PTPRD: variants seen among roughly 807,000 people sequenced by gnomAD.
PTPRD encodes the protein protein tyrosine phosphatase receptor type D.
In PTPRD, 34 loss-of-function variants were observed where a neutral mutation model predicts 214.5. That is an observed-to-expected ratio of 0.16 (90% CI 0.12 to 0.21). The LOEUF (loss-of-function observed/expected upper bound fraction) is 0.21. Among genes scored for constraint, PTPRD ranks in the 10% least tolerant of loss-of-function variants. PTPRD has a pLI of 1.00. For missense variants in PTPRD, 2,545 were observed against 2,398.7 expected (o/e 1.06, Z -1.27); for synonymous variants, 1,128 against 845.7 (o/e 1.33, Z -5.79).
At chr9:10,192,928 C>T (rs189090267) in intron 3 of PTPRD, among the ~76,000 whole-genome samples, 1 of 152,226 alleles carries the variant, frequency 6.6e-6, no homozygotes, top group African/African-American at 2.4e-5. Flanking sequence ...ACCTTATTTC[C>T]CAAGAGCTCT....
rs533262901 is a variant in PTPRD at position 10,573,317 on chromosome 9, C to T, written c.-600+39081G>A. ...ATCCCAATAAATCTATTCCTGTTTG[C>T]GCATGAATACAAGTTCCCAAATGCA... is the stretch of plus-strand genomic sequence containing the variant. On this transcript the variant is annotated intron_variant, in intron 2 of 45. Transcript: ENST00000381196. 6.6e-5 allele frequency among the ~76,000 whole-genome samples: 10 copies of T among 152,216 alleles called. No homozygotes were observed. In the South Asian group the frequency reaches 1.0e-3, roughly 16 times the overall value.
chr9:8,547,589 G>A (rs2080599650), intron 14 of PTPRD, among the ~76,000 whole-genome samples: 1 of 150,282 alleles, frequency 6.7e-6, no homozygotes, highest in Admixed American at 6.6e-5. Flanking sequence ...GCTACAGTGA[G>A]CCGTGTTCAC....
chr9:9,982,703 T>A (rs538727156), intron 4 of PTPRD, among the ~76,000 whole-genome samples: 1 of 152,212 alleles, frequency 6.6e-6, no homozygotes, highest in Admixed American at 6.5e-5. Context: ...TTTTGTTTTG[T>A]ATTTGATGCT....
At chr9:9,352,409 G>T (rs1393352368) in intron 9 of PTPRD, among the ~76,000 whole-genome samples, 3 of 149,626 alleles carry the variant, frequency 2.0e-5, no homozygotes, top group Admixed American at 6.7e-5. Flanking sequence ...ATATATATCT[G>T]TTATGTTTTC....
chr9:10,592,969 A>T (rs2075837800), intron 2 of PTPRD, among the ~76,000 whole-genome samples: 1 of 151,864 alleles, frequency 6.6e-6, no homozygotes, highest in East Asian at 1.9e-4. Flanking sequence ...TTCGCTCTTC[A>T]CAATAAATCT....
At chr9:9,482,270 A>C (rs532966798) in intron 8 of PTPRD, among the ~76,000 whole-genome samples, 28 of 152,328 alleles carry the variant, frequency 1.8e-4, no homozygotes, top group African/African-American at 6.5e-4. Context: ...TAAGTAAACC[A>C]GTTCAGTGAA....
intron 7 of PTPRD, among the ~76,000 whole-genome samples, chr9:9,636,352 C>T (rs957390438): frequency 5.9e-5 from 9 of 152,150 alleles, no homozygotes; most frequent in African/African-American, 1.9e-4. Flanking sequence ...CTGTAGTAGA[C>T]ATTTTGGTTG....
At chr9:10,389,355 T>C (rs968727801) in intron 2 of PTPRD, among the ~76,000 whole-genome samples, 1 of 151,884 alleles carries the variant, frequency 6.6e-6, no homozygotes, top group African/African-American at 2.4e-5. Context: ...AGATGATTTC[T>C]TATCAGAGTG....
Position 8,340,429 on chromosome 9 carries a change from C to G in PTPRD, c.5167G>C (p.Glu1723Gln), listed in dbSNP as rs2132361599. ...ATCCGCCAGAAGTCTTCAGTGGTCT[C>G]TGCCAAGGGCCCCTGGGTAGCGATG... ...AYIATQGPLAETTEDFWRMLW... is the reference protein window; with the variant it reads ...AYIATQGPLAQTTEDFWRMLW... Residue 1723 changes from glutamate (E) to glutamine (Q), a missense_variant, in exon 42 of 46, where the codon GAG becomes CAG. Physicochemically the swap from Glu to Gln is conservative, Grantham distance 29. Coordinates refer to ENST00000381196, the MANE Select transcript of PTPRD (RefSeq NM_002839.4). 6.2e-7 allele frequency: 1 copy of G among 1,608,218 alleles called. No individual in the cohort carries two copies. Among genetic ancestry groups the G allele is most frequent in the Non-Finnish European group, 8.5e-7 (1 of 1,175,838 alleles).
chr9:8,324,595 C>T (rs201438139), intron 44 of PTPRD, among the ~76,000 whole-genome samples: 3 of 152,224 alleles, frequency 2.0e-5, no homozygotes, highest in South Asian at 2.1e-4. Flanking sequence ...GAATGATTTA[C>T]AATCCTTTGG....
At chr9:8,534,800 T>C (rs893625732) in intron 14 of PTPRD, among the ~76,000 whole-genome samples, 3 of 151,792 alleles carry the variant, frequency 2.0e-5, no homozygotes, top group Non-Finnish European at 4.4e-5. Flanking sequence ...TAAATACACA[T>C]TGGTCTTAAG....
At chr9:9,486,547 G>C (rs888209311) in intron 8 of PTPRD, among the ~76,000 whole-genome samples, 3 of 151,530 alleles carry the variant, frequency 2.0e-5, no homozygotes, top group African/African-American at 7.3e-5. Flanking sequence ...TGCCTTCTTA[G>C]TTTTTCTTTT....
rs562266918 is a variant in PTPRD at position 8,551,329 on chromosome 9, T to C, written c.353-22550A>G. ...GTTCTCCATTAACAGACATTTAATA[T>C]GAAAGTTTTCATAATTTAAACCCAT... On this transcript the variant is annotated intron_variant, in intron 14 of 45. Transcript: ENST00000381196. Among the ~76,000 whole-genome samples, 21 of 152,336 alleles carry C rather than the reference T, an allele frequency of 1.4e-4. No individual in the cohort carries two copies. The East Asian group carries it at 3.5e-3, about 25-fold the overall frequency.
At chr9:8,676,222 C>T (rs182469029) in intron 12 of PTPRD, among the ~76,000 whole-genome samples, 67 of 152,228 alleles carry the variant, frequency 4.4e-4, no homozygotes, top group Non-Finnish European at 7.9e-4. Flanking sequence ...CTTCATGAAG[C>T]AGTTTCAGAA....
intron 14 of PTPRD, among the ~76,000 whole-genome samples, chr9:8,601,019 A>T (rs1266334498): frequency 1.3e-5 from 2 of 152,096 alleles, no homozygotes; most frequent in East Asian, 1.9e-4. Context: ...CAAAGAGCTG[A>T]TCGCCTTGAA....
intron 2 of PTPRD, among the ~76,000 whole-genome samples, chr9:10,390,195 T>C (rs1245745480): frequency 6.6e-6 from 1 of 151,874 alleles, no homozygotes; most frequent in Non-Finnish European, 1.5e-5. Flanking sequence ...TACTTATCTC[T>C]GTATTATAGA....
chr9:8,634,812 T>C (rs2096376931), intron 13 of PTPRD, among the ~76,000 whole-genome samples: 1 of 151,812 alleles, frequency 6.6e-6, no homozygotes, highest in Non-Finnish European at 1.5e-5. Context: ...TCATTGTATG[T>C]TTACATTTGT....
At chr9:9,173,820 C>T (rs927206938) in intron 10 of PTPRD, among the ~76,000 whole-genome samples, 1 of 152,054 alleles carries the variant, frequency 6.6e-6, no homozygotes, top group Non-Finnish European at 1.5e-5. Flanking sequence ...CGATACTTTG[C>T]CGGTTTCTCT....
intron 5 of PTPRD, among the ~76,000 whole-genome samples, chr9:9,835,408 C>G (rs1217392961): frequency 6.6e-6 from 1 of 152,058 alleles, no homozygotes; most frequent in Non-Finnish European, 1.5e-5. Flanking sequence ...CAAAAGAAGG[C>G]TTTCTAACTT....
Sources: allele counts gnomAD v4.1 joint callset (sites outside exome capture counted in the v4.1 genomes callset), GRCh38; gene constraint gnomAD v4.1.1; transcripts MANE v1.5; gene names NCBI Gene and HGNC (gene_info 2026-07-23, HGNC 2026-07-21).